The following NDUFAF6 variants were observed in gnomAD, a reference collection of about 807,000 sequenced individuals.
NDUFAF6 encodes NADH:ubiquinone oxidoreductase complex assembly factor 6.
In NDUFAF6, 45 loss-of-function variants were observed where a neutral mutation model predicts 40.8. The observed-to-expected ratio is 1.10, with a 90% CI of 0.87 to 1.42. The LOEUF is 1.42. Among genes scored for constraint, NDUFAF6 ranks in the 40% most tolerant of loss-of-function variants. NDUFAF6 has a pLI of 0.00. For synonymous variants in NDUFAF6, 185 were observed against 155.9 expected (o/e 1.19, Z -1.39); for missense variants, 435 against 418.5 (o/e 1.04, Z -0.34).
intron 2 of NDUFAF6, among the ~76,000 whole-genome samples, chr8:94,981,605 T>C (rs1825446302): frequency 6.6e-6 from 1 of 152,156 alleles, no homozygotes; most frequent in Non-Finnish European, 1.5e-5. Flanking sequence ...TTTAGTTATG[T>C]GAGCCAATAC....
chr8:95,114,919 AG>A (rs1284989557), intron 4 of NDUFAF6, among the ~76,000 whole-genome samples: 5 of 152,190 alleles, frequency 3.3e-5, no homozygotes, highest in Non-Finnish European at 7.3e-5. Flanking sequence ...GAAATTAGCC[AG>A]GCGTGGTGGC....
intron 2 of NDUFAF6, among the ~76,000 whole-genome samples, chr8:94,992,552 T>C (rs563980375): frequency 2.3e-4 from 35 of 152,326 alleles, no homozygotes; most frequent in Admixed American, 1.2e-3. Flanking sequence ...TTGTAAAATA[T>C]GGTAAGAATT....
chr8:94,909,811 T>TACACACACAC (rs1255780814), intron 1 of NDUFAF6, among the ~76,000 whole-genome samples: 66 of 142,084 alleles, frequency 4.6e-4, no homozygotes, highest in Non-Finnish European at 9.3e-4. Flanking sequence ...CATATATATA[T>TACACACACAC]ATACACACAC....
chr8:95,117,345 G>A (rs1235266162), downstream of NDUFAF6, among the ~76,000 whole-genome samples: 1 of 152,194 alleles, frequency 6.6e-6, no homozygotes, highest in Non-Finnish European at 1.5e-5. Flanking sequence ...GGATTTTAAA[G>A]AGTCTGAACT....
At chr8:94,926,777 A>G (rs564544593) in intron 1 of NDUFAF6, 51 of 152,342 alleles carry the variant, frequency 3.3e-4, no homozygotes, top group Middle Eastern at 3.4e-3. Context: ...TCTCCACCCT[A>G]AACAGTTGAA....
chr8:94,964,032 C>T (rs1340773644), intron 1 of NDUFAF6, among the ~76,000 whole-genome samples: 1 of 152,152 alleles, frequency 6.6e-6, no homozygotes, highest in African/African-American at 2.4e-5. Context: ...AATTCTGTGG[C>T]CTTAGTTAGC....
Position 94,983,164 on chromosome 8 carries a change from A to C in NDUFAF6, c.-84+2191A>C, listed in dbSNP as rs549151277. ...ATAACTACACAGAGGCAGATTTTCC[A>C]TGAAGTTAATAAAGTTTCCTGGGCC... On this transcript the variant is annotated intron_variant, in intron 2 of 9. Transcript: ENST00000396111. Among the ~76,000 whole-genome samples the C allele has an allele frequency of 8.5e-5, 13 of 152,104 alleles. No homozygotes were observed. In the East Asian group the frequency reaches 2.5e-3, roughly 29 times the overall value.
At chr8:95,103,457 A>G (rs1244918171) in exon 3 of NDUFAF6, 2 of 152,228 alleles carry the variant, frequency 1.3e-5, no homozygotes, top group Admixed American at 6.5e-5. Context: ...TCTTAACCAA[A>G]TTTAGAAACA....
upstream of NDUFAF6, among the ~76,000 whole-genome samples, chr8:95,020,280 A>C (rs142380312): frequency 1.6e-3 from 238 of 152,374 alleles, no homozygotes; most frequent in African/African-American, 5.3e-3. Flanking sequence ...ATAGCTGCTG[A>C]TAATAGGTTC....
intron 5 of NDUFAF6, 24 bp downstream of exon 5, chr8:95,045,671 C>T (rs1033199885): frequency 1.3e-6 from 2 of 1,564,252 alleles, no homozygotes; most frequent in African/African-American, 2.7e-5. Context: ...CTGTTTCATA[C>T]TTCTTTTTTC....
chr8:95,050,885 G>A (rs1831353622), intron 7 of NDUFAF6, among the ~76,000 whole-genome samples: 2 of 152,200 alleles, frequency 1.3e-5, no homozygotes, highest in African/African-American at 4.8e-5. Context: ...ATTGTGGCAA[G>A]ACCAGATAGA....
At chr8:94,924,162 G>A (rs996273827) in intron 1 of NDUFAF6, among the ~76,000 whole-genome samples, 12 of 152,060 alleles carry the variant, frequency 7.9e-5, no homozygotes, top group Non-Finnish European at 1.5e-5. Flanking sequence ...CCGGGTTCAA[G>A]CGATTCTCCT....
intron 7 of NDUFAF6, among the ~76,000 whole-genome samples, chr8:95,050,304 C>G (rs1371408716): frequency 6.6e-6 from 1 of 152,184 alleles, no homozygotes; most frequent in Non-Finnish European, 1.5e-5. Context: ...TTGAACACCA[C>G]TGGTGGTGTA....
At chr8:95,017,124 G>T (rs7842366) in intron 2 of NDUFAF6, among the ~76,000 whole-genome samples, 129,479 of 129,716 alleles carry the variant, frequency 1, 64,621 homozygotes, top group East Asian at 1. Context: ...TTTTTTTTTG[G>T]GGACATGGGG....
rs556065794 is a variant in NDUFAF6 at position 94,909,348 on chromosome 8, C to CAAAAAAAAAA, written c.-936+13446_-936+13455dup. Among the ~76,000 whole-genome samples the CAAAAAAAAAA allele has an allele frequency of 2.8e-4, 26 of 91,904 alleles. 1 individual carries two copies. Among genetic ancestry groups the CAAAAAAAAAA allele is most frequent in the African/African-American group, 1.1e-3 (21 of 19,642 alleles). 60.3% of individuals were successfully genotyped at this position (91,904 alleles called of 152,430 possible). ...TGGACGACAGAGGGAGACTCCGTCT[C>CAAAAAAAAAA]AAAAAAAAAAAAAAAAAAAAAAAAA... On this transcript the variant is annotated intron_variant, in intron 1 of 14. Transcript: ENST00000396113.
intron 1 of NDUFAF6, among the ~76,000 whole-genome samples, chr8:94,921,993 C>T (rs1255767111): frequency 2.0e-5 from 3 of 152,014 alleles, no homozygotes; most frequent in Non-Finnish European, 2.9e-5. Flanking sequence ...TCCAGCAATC[C>T]GTGTTTTTTT....
chr8:94,976,857 A>T (rs550300677), intron 1 of NDUFAF6, among the ~76,000 whole-genome samples: 11 of 152,266 alleles, frequency 7.2e-5, no homozygotes, highest in Admixed American at 1.3e-4. Flanking sequence ...ATACAATTAA[A>T]AATGGTTCAG....
At chr8:95,002,767 C>G (rs908023125) in intron 2 of NDUFAF6, among the ~76,000 whole-genome samples, 1 of 152,150 alleles carries the variant, frequency 6.6e-6, no homozygotes, top group Non-Finnish European at 1.5e-5. Context: ...ATGTATTTGT[C>G]GAGACCCTGC....
At chr8:95,113,699 C>T (rs1810059395) in intron 4 of NDUFAF6, among the ~76,000 whole-genome samples, 1 of 152,148 alleles carries the variant, frequency 6.6e-6, no homozygotes, top group Non-Finnish European at 1.5e-5. Context: ...CAATCTGCAC[C>T]TCCATCCTTG....
Sources: allele counts gnomAD v4.1 joint callset (sites outside exome capture counted in the v4.1 genomes callset), GRCh38; gene constraint gnomAD v4.1.1; transcripts MANE v1.5; gene names NCBI Gene and HGNC (gene_info 2026-07-23, HGNC 2026-07-21).